Variants in YTHDC2 observed in about 807,000 individuals in gnomAD.
The protein encoded by YTHDC2 is YTH N6-methyladenosine RNA binding protein C2.
A neutral mutation model predicts 174.9 loss-of-function variants in YTHDC2; 45 were observed. That is an observed-to-expected ratio of 0.26 (90% CI 0.20 to 0.33). YTHDC2 has a LOEUF of 0.33. Ranked by LOEUF, YTHDC2 falls within the 10% of genes least tolerant of loss-of-function variation. The pLI is 1.00. For synonymous variants in YTHDC2, 657 were observed against 574.5 expected, an observed-to-expected ratio of 1.14 and a Z score of -2.05; for missense variants, 1,650 against 1,723.7, an observed-to-expected ratio of 0.96 and a Z score of 0.76.
chr5:113,521,730 C>CA lies in YTHDC2; in HGVS notation c.279-3238dup, dbSNP rs775698646. Among the ~76,000 whole-genome samples, 506 of 56,930 alleles carry CA rather than the reference C, an allele frequency of 8.9e-3. 7 individuals carry two copies. The highest frequency in any genetic ancestry group is 0.049 in the South Asian group (91 of 1,862). The allele number at this position is 56,930 out of a possible 152,430, so 37.3% of individuals were successfully genotyped here. ...TGGGTAGCAAAGCAAGACTCTGTCTCAAAAAAAAAAAAAGAAAAAAAACCC... is the reference window on the plus strand; with the variant it reads ...TGGGTAGCAAAGCAAGACTCTGTCTCAAAAAAAAAAAAAAGAAAAAAAACCC... On this transcript the variant is annotated intron_variant, in intron 2 of 29. Coordinates refer to ENST00000161863, the MANE Select transcript of YTHDC2 (RefSeq NM_022828.5).
chr5:113,524,021 A>G (rs1255856782), intron 2 of YTHDC2, among the ~76,000 whole-genome samples: 1 of 152,138 alleles, frequency 6.6e-6, no homozygotes, highest in Non-Finnish European at 1.5e-5. Flanking sequence ...ACTCTGCAAC[A>G]GATACTGCAC....
At chr5:113,514,394 C>CTGATATTGGT (rs1260778939) in intron 1 of YTHDC2, 15 of 579,552 alleles carry the variant, frequency 2.6e-5, no homozygotes, top group Non-Finnish European at 3.9e-5. Flanking sequence ...TTGGTTAGCC[C>CTGATATTGGT]TAACCCTTTT....
At position 113,591,202 on chromosome 5, in the gene YTHDC2, A is replaced by T; in HGVS notation, c.3987A>T (p.Ile1329=). Residue 1329 remains isoleucine, a synonymous_variant, in exon 27 of 30, where the codon ATA becomes ATT. Transcript: ENST00000161863. ...KLNRAFWESS[I]VYLVFSVQGS... ...ATCGAGCCTTTTGGGAAAGCAGCAT[A>T]GTTTACTTGGTATTTTCTGTTCAAG... 1 of 1,613,900 alleles carries T rather than the reference A, an allele frequency of 6.2e-7. No individual in the cohort carries two copies. The highest frequency in any genetic ancestry group is 8.5e-7 in the Non-Finnish European group (1 of 1,179,868).
At chr5:113,590,092 A>G (rs924366567) in intron 26 of YTHDC2, among the ~76,000 whole-genome samples, 3 of 152,200 alleles carry the variant, frequency 2.0e-5, no homozygotes, top group African/African-American at 7.2e-5. Context: ...AGATGACAAC[A>G]GTATTTAACT....
intron 2 of YTHDC2, chr5:113,517,632 C>T: frequency 2.2e-6 from 1 of 456,170 alleles, no homozygotes; most frequent in Non-Finnish European, 4.4e-6. Flanking sequence ...TTTATCCAGT[C>T]CCTAATACCT....
Position 113,553,237 on chromosome 5 carries a change from G to T in YTHDC2, c.1745G>T (p.Ser582Ile). ...AGTTCTCTGGTTCAAACAAATGGAA[G>T]TGACCTCAGTGCTGAAGACAGAGAG... The part of the protein sequence containing the change: ...DESSLVQTNG[S>I]DLSAEDRELL... Residue 582 changes from serine to isoleucine, a missense_variant, in exon 13 of 30, where the codon AGT (serine) becomes ATT (isoleucine). Transcript: ENST00000161863. 3 of 1,582,118 alleles carry T rather than the reference G, an allele frequency of 1.9e-6. No homozygotes were observed. The highest frequency in any genetic ancestry group is 2.6e-6 in the Non-Finnish European group (3 of 1,165,238).
At chr5:113,561,957 GGTGTGTGTGTGT>G (rs70973686) in intron 18 of YTHDC2, among the ~76,000 whole-genome samples, 42 of 134,954 alleles carry the variant, frequency 3.1e-4, no homozygotes, top group East Asian at 3.0e-3. Context: ...ATTAATTGTG[GGTGTGTGTGTGT>G]GTGTGTGTGT....
At chr5:113,533,986 TTTTA>T (rs1774875415) in intron 5 of YTHDC2, among the ~76,000 whole-genome samples, 1 of 152,190 alleles carries the variant, frequency 6.6e-6, no homozygotes, top group Non-Finnish European at 1.5e-5. Context: ...GTAGTACTTT[TTTTA>T]TTCTCAGTGG....
Position 113,513,774 on chromosome 5 carries a change from G to A in YTHDC2, c.-122G>A. 1.8e-6 allele frequency: 2 copies of A among 1,133,856 alleles called. No homozygotes were observed. The highest frequency in any genetic ancestry group is 1.7e-5 in the South Asian group (1 of 60,440). 70.2% of individuals were successfully genotyped at this position (1,133,856 alleles called of 1,614,324 possible). ...GACTGAGGCCTTTCTGGTGACCTCAGCCCAACACAGGCCGTCTCCGGAGCT... is the reference window on the plus strand; with the variant it reads ...GACTGAGGCCTTTCTGGTGACCTCAACCCAACACAGGCCGTCTCCGGAGCT... On this transcript the variant is annotated 5_prime_UTR_variant, in exon 1 of 30. Coordinates refer to ENST00000161863, the MANE Select transcript of YTHDC2 (RefSeq NM_022828.5).
chr5:113,536,261 C>T (rs1775065772), intron 7 of YTHDC2, among the ~76,000 whole-genome samples: 1 of 152,192 alleles, frequency 6.6e-6, no homozygotes, highest in South Asian at 2.1e-4. Context: ...CGTGGGGGCT[C>T]ACGCCTGTAA....
chr5:113,535,178 A>G (rs1405019864), intron 6 of YTHDC2, among the ~76,000 whole-genome samples: 3 of 152,192 alleles, frequency 2.0e-5, no homozygotes, highest in African/African-American at 7.2e-5. Flanking sequence ...GAAAACATTT[A>G]AAGAAATATT....
At chr5:113,591,317 A>G (rs1175010647) in intron 27 of YTHDC2, 73 bp downstream of exon 27, 1 of 1,495,220 alleles carries the variant, frequency 6.7e-7, no homozygotes, top group Non-Finnish European at 9.2e-7. Flanking sequence ...TTAGAAAAAC[A>G]ACTGGCTTTT....
rs756223567 is a variant in YTHDC2, at chr5:113,513,728, C to G, written c.-168C>G. 4 of 708,164 alleles carry G rather than the reference C, an allele frequency of 5.6e-6. No individual in the cohort carries two copies. Among genetic ancestry groups the G allele is most frequent in the Non-Finnish European group, 8.7e-6 (4 of 458,246 alleles). The allele number at this position is 708,164 out of a possible 1,614,324, so 43.9% of individuals were successfully genotyped here. A position where few individuals can be genotyped will look rare whatever the true frequency, so the allele number is the denominator to read the frequency against. On this transcript the variant is annotated 5_prime_UTR_variant, in exon 1 of 30. Transcript: ENST00000161863. The stretch of plus-strand genomic sequence containing the variant: ...CTGGCCGTGATATCAATGGCGCAGG[C>G]TTCACTTCTGCTGTGGCGGTGACTG...
chr5:113,553,159 T>C (rs778249114), intron 12 of YTHDC2, 22 bp from the exon 13 acceptor site: 1 of 292,130 alleles, frequency 3.4e-6, no homozygotes, highest in Non-Finnish European at 4.8e-6. Flanking sequence ...GACTTTGTCT[T>C]TTTTTTTTTT....
intron 17 of YTHDC2, 137 bp downstream of exon 17, chr5:113,556,271 A>G (rs1039353954): frequency 6.2e-5 from 30 of 484,948 alleles, no homozygotes; most frequent in Non-Finnish European, 8.9e-5. Context: ...TATTTTTGCA[A>G]AGCAAGCCAT....
At chr5:113,571,997 T>G (rs1348751393) in intron 23 of YTHDC2, among the ~76,000 whole-genome samples, 1 of 152,202 alleles carries the variant, frequency 6.6e-6, no homozygotes, top group East Asian at 1.9e-4. Flanking sequence ...ATTAGTTATT[T>G]CATGTCTTCT....
chr5:113,582,252 A>G (rs1046267437), intron 25 of YTHDC2: 5 of 152,222 alleles, frequency 3.3e-5, no homozygotes, highest in African/African-American at 1.2e-4. Context: ...GAGGATATAC[A>G]TTTGATTGAG....
chr5:113,538,877 C>G (rs530630234), intron 7 of YTHDC2, among the ~76,000 whole-genome samples, 197 bp from the exon 8 acceptor site: 3 of 152,162 alleles, frequency 2.0e-5, no homozygotes, highest in Non-Finnish European at 4.4e-5. Flanking sequence ...GAGGAAAAAA[C>G]CCAAGCACAC....
chr5:113,559,029 G>T (rs1776790762), intron 17 of YTHDC2, among the ~76,000 whole-genome samples: 1 of 152,040 alleles, frequency 6.6e-6, no homozygotes, highest in African/African-American at 2.4e-5. Context: ...TTGAGGTTAT[G>T]AATATAATTA....
Sources: allele counts gnomAD v4.1 joint callset (sites outside exome capture counted in the v4.1 genomes callset), GRCh38; gene constraint gnomAD v4.1.1; transcripts MANE v1.5; gene names NCBI Gene and HGNC (gene_info 2026-07-23, HGNC 2026-07-21).